The following IL1RAPL2 variants were observed in gnomAD, a reference collection of about 807,000 sequenced individuals.
IL1RAPL2 encodes X-linked interleukin-1 receptor accessory protein-like 2.
IL1RAPL2 carries 3 observed loss-of-function variants against 44.1 expected under a neutral mutation model. The ratio of observed to expected loss-of-function variants is 0.07; its 90% CI spans 0.03 to 0.18. The LOEUF (loss-of-function observed/expected upper bound fraction) is 0.18, where lower values mean the gene tolerates loss of function less well. Ranked by LOEUF, IL1RAPL2 falls within the 10% of genes least tolerant of loss-of-function variation. The pLI, the probability that IL1RAPL2 is intolerant of heterozygous loss-of-function variation, is 1.00. For missense variants in IL1RAPL2, 391 were observed against 496.4 expected, an observed-to-expected ratio of 0.79 and a Z score of 2.02; for synonymous variants, 181 against 178.8, an observed-to-expected ratio of 1.01 and a Z score of -0.10.
chrX:105,474,573 G>A (rs767956113), intron 5 of IL1RAPL2, among the ~76,000 whole-genome samples: 4 of 110,876 alleles, frequency 3.6e-5, no homozygotes, highest in Admixed American at 9.6e-5. Flanking sequence ...TGCCCCCAAC[G>A]AAGATATACA....
intron 3 of IL1RAPL2, among the ~76,000 whole-genome samples, chrX:105,225,664 C>CTTTTA (rs781855827): frequency 0.46 from 46,373 of 100,117 alleles, 11,084 homozygotes; most frequent in East Asian, 0.73. Flanking sequence ...AGAAAACATA[C>CTTTTA]TTTTATTTTA....
At chrX:104,977,603 A>G (rs2030363010) in intron 2 of IL1RAPL2, among the ~76,000 whole-genome samples, 1 of 111,670 alleles carries the variant, frequency 9.0e-6, no homozygotes, top group Admixed American at 9.5e-5. Flanking sequence ...TTTGTTGGTC[A>G]CCAGATAACA....
intron 9 of IL1RAPL2, among the ~76,000 whole-genome samples, 165 bp downstream of exon 9, chrX:105,749,268 G>C (rs1341581692): frequency 2.7e-5 from 3 of 112,228 alleles, no homozygotes; most frequent in Non-Finnish European, 5.6e-5. Flanking sequence ...AAGAAAAAGA[G>C]AAAAGAGGAG....
At chrX:105,654,674 A>T (rs2147844614) in intron 6 of IL1RAPL2, among the ~76,000 whole-genome samples, 1 of 111,702 alleles carries the variant, frequency 9.0e-6, no homozygotes, top group East Asian at 2.8e-4. Context: ...CAGGCTAAAA[A>T]CATCTTATTT....
chrX:104,839,669 T>C, intron 2 of IL1RAPL2, among the ~76,000 whole-genome samples: 1 of 111,965 alleles, frequency 8.9e-6, no homozygotes, highest in Non-Finnish European at 1.9e-5. Flanking sequence ...ATGGCACTAG[T>C]TCGTCTTTGT....
intron 2 of IL1RAPL2, among the ~76,000 whole-genome samples, chrX:104,698,063 CT>C (rs926357168): frequency 8.9e-6 from 1 of 112,275 alleles, no homozygotes; most frequent in Non-Finnish European, 1.9e-5. Flanking sequence ...GGTTGTTGGA[CT>C]GTGGGCACCA....
At chrX:105,016,526 G>A (rs1468170235) in intron 2 of IL1RAPL2, among the ~76,000 whole-genome samples, 1 of 111,261 alleles carries the variant, frequency 9.0e-6, no homozygotes, top group Admixed American at 9.6e-5. Context: ...AGCATGAAGG[G>A]CTGTTGAATT....
chrX:105,687,819 C>A (rs904646587), intron 6 of IL1RAPL2, among the ~76,000 whole-genome samples: 1 of 111,542 alleles, frequency 9.0e-6, no homozygotes, highest in African/African-American at 3.3e-5. Flanking sequence ...ATGCGAAAAT[C>A]CTCAATAAAA....
chrX:104,621,576 C>A (rs1929402418), intron 1 of IL1RAPL2, among the ~76,000 whole-genome samples: 1 of 110,413 alleles, frequency 9.1e-6, no homozygotes, highest in Non-Finnish European at 1.9e-5. Context: ...GCAGCCTGAG[C>A]TGCCCCACCC....
intron 2 of IL1RAPL2, among the ~76,000 whole-genome samples, chrX:105,128,090 G>A (rs148762202): frequency 4.8e-4 from 53 of 110,595 alleles, no homozygotes; most frequent in African/African-American, 1.7e-3. Flanking sequence ...AATTCCTTCT[G>A]CTTAAGTAAC....
At chrX:105,088,941 T>G (rs1435566838) in intron 2 of IL1RAPL2, among the ~76,000 whole-genome samples, 1 of 111,122 alleles carries the variant, frequency 9.0e-6, no homozygotes, top group Non-Finnish European at 1.9e-5. Context: ...GAATTAGAGA[T>G]ATGGCCCTAC....
intron 5 of IL1RAPL2, among the ~76,000 whole-genome samples, chrX:105,427,380 G>A (rs1319773134): frequency 8.9e-6 from 1 of 111,811 alleles, no homozygotes; most frequent in African/African-American, 3.2e-5. Flanking sequence ...TTCAATAGAG[G>A]GGTTTATATA....
intron 6 of IL1RAPL2, among the ~76,000 whole-genome samples, chrX:105,589,100 C>T (rs770002294): frequency 7.9e-4 from 88 of 111,835 alleles, no homozygotes; most frequent in Non-Finnish European, 1.5e-3. Context: ...GAGATGATAT[C>T]TCATTGTGGT....
chrX:105,006,337 T>G (rs2030941837), intron 2 of IL1RAPL2, among the ~76,000 whole-genome samples: 1 of 109,751 alleles, frequency 9.1e-6, no homozygotes, highest in African/African-American at 3.3e-5. Flanking sequence ...CATTTATGAG[T>G]GCCTAGGAGG....
chrX:104,621,975 T>C lies in IL1RAPL2; in HGVS notation c.-19-36920T>C, dbSNP rs997442890. ...CTTAGTTCTTTTCATGTAAAGACAT[T>C]CTGGCTCAGAACCAACCATTGTGCA... is the stretch of plus-strand genomic sequence containing the variant. On this transcript the variant is annotated intron_variant, in intron 1 of 10. Transcript: ENST00000372582. Among the ~76,000 whole-genome samples the C allele has an allele frequency of 1.9e-4, 21 of 111,192 alleles. No individual in the cohort carries two copies. In the Admixed American group the frequency reaches 1.9e-3, roughly 10 times the overall value.
intron 3 of IL1RAPL2, chrX:105,220,645 C>T (rs2033952742): frequency 6.4e-6 from 2 of 312,874 alleles, no homozygotes; most frequent in East Asian, 4.5e-5. Flanking sequence ...TGTCTTAACA[C>T]GCCCGAAGAG....
At chrX:104,884,562 C>A (rs1319118211) in intron 2 of IL1RAPL2, among the ~76,000 whole-genome samples, 9 of 97,581 alleles carry the variant, frequency 9.2e-5, no homozygotes, top group Admixed American at 8.9e-4. Context: ...ACCCGCAAAC[C>A]CTGAAAAAGA....
At chrX:105,009,248 G>A (rs147713214) in intron 2 of IL1RAPL2, among the ~76,000 whole-genome samples, 205 of 110,949 alleles carry the variant, frequency 1.8e-3, no homozygotes, top group African/African-American at 6.2e-3. Flanking sequence ...CCCGTTACTG[G>A]GTATGTACCC....
intron 5 of IL1RAPL2, among the ~76,000 whole-genome samples, chrX:105,352,954 T>G (rs1346319716): frequency 3.6e-5 from 4 of 110,542 alleles, no homozygotes; most frequent in African/African-American, 1.3e-4. Flanking sequence ...CATTTGTCAA[T>G]TTTGGCTTTT....
Sources: gnomAD v4.1 joint callset for allele counts (sites outside exome capture counted in the v4.1 genomes callset) on GRCh38, gnomAD v4.1.1 for gene constraint, MANE v1.5 for transcripts, NCBI Gene and HGNC (gene_info 2026-07-23, HGNC 2026-07-21) for gene names.